The following RNF6 variants were observed in gnomAD, a reference collection of about 807,000 sequenced individuals.
RNF6 encodes E3 ubiquitin-protein ligase RNF6.
Under a neutral mutation model 50.1 loss-of-function variants are expected in RNF6, and 21 were observed. The observed-to-expected ratio is 0.42, with a 90% CI of 0.30 to 0.60. The LOEUF (loss-of-function observed/expected upper bound fraction) is 0.60, where lower values mean the gene tolerates loss of function less well. Ranked by LOEUF, RNF6 falls within the 20% of genes least tolerant of loss-of-function variation. RNF6 has a pLI of 0.20. For synonymous variants in RNF6, 255 were observed against 291.8 expected (o/e 0.87, Z 1.29); for missense variants, 698 against 838.2 (o/e 0.83, Z 2.07).
intron 4 of RNF6, among the ~76,000 whole-genome samples, chr13:26,217,602 T>A (rs1404443749): frequency 1.3e-5 from 2 of 152,238 alleles, no homozygotes; most frequent in African/African-American, 4.8e-5. Context: ...AATGGTACCC[T>A]GGAGCAGTGA....
chr13:26,182,292 C>T (rs988018835), intron 5 of RNF6, among the ~76,000 whole-genome samples: 2 of 152,124 alleles, frequency 1.3e-5, no homozygotes, highest in Non-Finnish European at 2.9e-5. Flanking sequence ...TTGAAGAGTT[C>T]AGACCCATCG....
intron 5 of RNF6, among the ~76,000 whole-genome samples, chr13:26,197,780 C>A (rs1868729441): frequency 6.6e-6 from 1 of 151,848 alleles, no homozygotes; most frequent in Non-Finnish European, 1.5e-5. Context: ...AATCCCAGCA[C>A]TTTGGGAGGC....
At chr13:26,149,874 A>G (rs916141730) in intron 5 of RNF6, among the ~76,000 whole-genome samples, 7 of 72,990 alleles carry the variant, frequency 9.6e-5, no homozygotes, top group African/African-American at 3.7e-4. Context: ...GTGTGTGTAT[A>G]TATATATATA....
intron 5 of RNF6, among the ~76,000 whole-genome samples, chr13:26,207,391 G>A (rs10507349): frequency 0.2 from 29,928 of 152,154 alleles, 3,460 homozygotes; most frequent in East Asian, 0.4. Context: ...GGAGTGACAA[G>A]TCGAAATGAG....
chr13:26,213,240 A>G lies in RNF6; in HGVS notation c.*584T>C, dbSNP rs2085541772. On this transcript the variant is annotated 3_prime_UTR_variant, in exon 5 of 5. Coordinates refer to ENST00000381588, the MANE Select transcript of RNF6 (RefSeq NM_005977.4). Reference sequence around the variant, plus strand: ...GTGCCATATGCAGTATTAGCCCAAAAGCTTAAATAAGAACCAAACTTGTAG... The same window carrying G: ...GTGCCATATGCAGTATTAGCCCAAAGGCTTAAATAAGAACCAAACTTGTAG... 6.6e-6 allele frequency: 1 copy of G among 152,660 alleles called. No individual in the cohort carries two copies. The highest frequency in any genetic ancestry group is 1.5e-5 in the Non-Finnish European group (1 of 68,026). 9.5% of individuals were successfully genotyped at this position (152,660 alleles called of 1,614,324 possible). A position where few individuals can be genotyped will look rare whatever the true frequency, so the allele number is the denominator to read the frequency against.
chr13:26,198,139 TATATACAC>T (rs1020411875), intron 5 of RNF6, among the ~76,000 whole-genome samples: 2 of 151,170 alleles, frequency 1.3e-5, no homozygotes, highest in Non-Finnish European at 2.9e-5. Context: ...TATATATATA[TATATACAC>T]ACACATATAT....
rs562404866 is a variant in RNF6 at position 26,217,748 on chromosome 13, A to C, written c.289+763T>G. 1.9e-4 allele frequency among the ~76,000 whole-genome samples: 29 copies of C among 152,370 alleles called. 1 individual carries two copies. The highest frequency in any genetic ancestry group is 8.5e-4 in the Admixed American group (13 of 15,310). On this transcript the variant is annotated intron_variant, in intron 4 of 4. Coordinates refer to ENST00000381588, the MANE Select transcript of RNF6 (RefSeq NM_005977.4). ...TGAGCTAAATTTTAAATTTAATTTG[A>C]TTTTAATTAATTTCCATTTAAATAG...
intron 4 of RNF6, among the ~76,000 whole-genome samples, chr13:26,217,320 C>T (rs1239012454): frequency 6.6e-6 from 1 of 152,206 alleles, no homozygotes; most frequent in Non-Finnish European, 1.5e-5. Flanking sequence ...ATGCTACTTC[C>T]TTCTTTGATT....
intron 5 of RNF6, among the ~76,000 whole-genome samples, chr13:26,165,718 A>G (rs1480166450): frequency 1.3e-5 from 2 of 152,224 alleles, no homozygotes; most frequent in East Asian, 3.9e-4. Flanking sequence ...TTGGACTTGC[A>G]TGGGGCCTGT....
chr13:26,186,525 C>A (rs568015975), intron 5 of RNF6, among the ~76,000 whole-genome samples: 1 of 152,226 alleles, frequency 6.6e-6, no homozygotes, highest in South Asian at 2.1e-4. Context: ...TGTTAGGGCG[C>A]GCGCACACAC....
chr13:26,215,171 A>G lies in RNF6; in HGVS notation c.711T>C (p.Asn237=). The G allele has an allele frequency of 6.2e-7, 1 of 1,614,106 alleles. No individual in the cohort carries two copies. The change falls in exon 5 of 5, where the codon AAT becomes AAC. Residue 237 remains asparagine (N), a synonymous_variant. Coordinates refer to ENST00000381588, the MANE Select transcript of RNF6 (RefSeq NM_005977.4). ...GSFSTLGRLR[N]GIGGAAGIPR... ...GAATGCCAGCTGCTCCCCCAATTCC[A>G]TTTCTTAACCTTCCCAATGTTGAGA...
At chr13:26,221,473 CCATA>C (rs1870485490) in intron 1 of RNF6, 143 bp from the exon 2 acceptor site, 1 of 152,180 alleles carries the variant, frequency 6.6e-6, no homozygotes, top group Admixed American at 6.5e-5. Flanking sequence ...AATTAGATCC[CCATA>C]CAATTAGGTC....
chr13:26,181,754 C>A (rs301058), intron 5 of RNF6, among the ~76,000 whole-genome samples: 1 of 152,006 alleles, frequency 6.6e-6, no homozygotes, highest in Non-Finnish European at 1.5e-5. Context: ...TTCTATGCAA[C>A]CATCTTCAGT....
At position 26,150,011 on chromosome 13, in the gene RNF6, AATG is replaced by A. The variant is rs1479199445; in HGVS notation, n.769-17563_769-17561del. On this transcript the variant is annotated intron_variant and non_coding_transcript_variant, in intron 5 of 5. Transcript: ENST00000468480. ...ATATATATATACACAGTGTATATAT[AATG>A]TGTATATATATATACACAGTGTATA... Among the ~76,000 whole-genome samples, 20 of 123,792 alleles carry A rather than the reference AATG, an allele frequency of 1.6e-4. 1 individual carries two copies. Among genetic ancestry groups the A allele is most frequent in the Admixed American group, 3.4e-4 (4 of 11,686 alleles). The allele number at this position is 123,792 out of a possible 152,430, so 81.2% of individuals were successfully genotyped here.
At chr13:26,136,824 A>G (rs1000736591) in intron 5 of RNF6, among the ~76,000 whole-genome samples, 2 of 152,176 alleles carry the variant, frequency 1.3e-5, no homozygotes, top group Non-Finnish European at 2.9e-5. Context: ...TAAAAAACAC[A>G]ATGAGAAAAC....
At chr13:26,192,083 G>C (rs1389061303) in intron 5 of RNF6, among the ~76,000 whole-genome samples, 2 of 152,336 alleles carry the variant, frequency 1.3e-5, no homozygotes, top group Non-Finnish European at 2.9e-5. Context: ...AGATCAGAGA[G>C]ATAGCCGGGG....
intron 5 of RNF6, among the ~76,000 whole-genome samples, chr13:26,159,588 G>A (rs1872105537): frequency 6.6e-6 from 1 of 151,948 alleles, no homozygotes; most frequent in South Asian, 2.1e-4. Context: ...ACACGCTACT[G>A]CACTCCAGCC....
chr13:26,170,821 GC>G (rs1176801243), intron 5 of RNF6, among the ~76,000 whole-genome samples: 2 of 152,208 alleles, frequency 1.3e-5, no homozygotes, highest in Non-Finnish European at 2.9e-5. Flanking sequence ...GAATATTGGA[GC>G]CACACTTGTA....
At chr13:26,137,666 AAC>A (rs1555313545) in intron 5 of RNF6, among the ~76,000 whole-genome samples, 13 of 150,940 alleles carry the variant, frequency 8.6e-5, no homozygotes, top group East Asian at 1.9e-4. Context: ...AAAAAAAAAA[AAC>A]AAATAGAAAC....
Sources: allele counts gnomAD v4.1 joint callset (sites outside exome capture counted in the v4.1 genomes callset), GRCh38; gene constraint gnomAD v4.1.1; transcripts MANE v1.5; gene names NCBI Gene and HGNC (gene_info 2026-07-23, HGNC 2026-07-21).